Variants in GUCY1A2 observed in about 807,000 individuals in gnomAD.
GUCY1A2 encodes guanylate cyclase 1 soluble subunit alpha 2.
A neutral mutation model predicts 63.5 loss-of-function variants in GUCY1A2; 27 were observed. The ratio of observed to expected loss-of-function variants is 0.43; its 90% CI spans 0.31 to 0.59. The LOEUF (loss-of-function observed/expected upper bound fraction) is 0.59, where lower values mean the gene tolerates loss of function less well. Ranked by LOEUF, GUCY1A2 falls within the 20% of genes least tolerant of loss-of-function variation. GUCY1A2 has a pLI of 0.11. For missense variants in GUCY1A2, 768 were observed against 913.3 expected (o/e 0.84, Z 2.05); for synonymous variants, 364 against 343.5 (o/e 1.06, Z -0.66).
At position 106,917,347 on chromosome 11, in the gene GUCY1A2, A is replaced by G. The variant is rs976140874; in HGVS notation, c.1206+22113T>C. Among the ~76,000 whole-genome samples the G allele has an allele frequency of 3.4e-5, 5 of 145,790 alleles. 2 individuals are homozygous for G. Among genetic ancestry groups the G allele is most frequent in the Non-Finnish European group, 7.7e-5 (5 of 64,892 alleles). On this transcript the variant is annotated intron_variant, in intron 4 of 7. Coordinates refer to ENST00000526355, the MANE Select transcript of GUCY1A2 (RefSeq NM_000855.3). ...TTGGGGCAGCTGGATGAGACTGCTT[A>G]TGGTACAGAGTGACAAGACAAGGGG...
At chr11:106,912,279 T>C (rs148753597) in intron 4 of GUCY1A2, among the ~76,000 whole-genome samples, 1 of 152,140 alleles carries the variant, frequency 6.6e-6, no homozygotes, top group African/African-American at 2.4e-5. Flanking sequence ...ACAATACACA[T>C]TACAACTTAG....
chr11:106,998,159 G>A (rs973806341), intron 1 of GUCY1A2, among the ~76,000 whole-genome samples: 6 of 152,082 alleles, frequency 3.9e-5, no homozygotes, highest in East Asian at 1.9e-4. Flanking sequence ...GGACATTTTC[G>A]AAGACCTCCA....
rs2135325602 is a variant in GUCY1A2, at chr11:106,679,011, G to T, written c.*8538C>A. 1 of 189,208 alleles carries T rather than the reference G, an allele frequency of 5.3e-6. No homozygotes were observed. Among genetic ancestry groups the T allele is most frequent in the South Asian group, 1.9e-4 (1 of 5,174 alleles). The allele number at this position is 189,208 out of a possible 1,614,324, so 11.7% of individuals were successfully genotyped here. A position where few individuals can be genotyped will look rare whatever the true frequency, so the allele number is the denominator to read the frequency against. On this transcript the variant is annotated 3_prime_UTR_variant, in exon 8 of 8. Transcript: ENST00000526355. ...AACAACATTAATTGAATCTCTCATT[G>T]CTGAAGAAGTTGACACATTCAGAAA...
chr11:106,902,798 T>C (rs1860152308), intron 4 of GUCY1A2, among the ~76,000 whole-genome samples: 1 of 152,188 alleles, frequency 6.6e-6, no homozygotes, highest in South Asian at 2.1e-4. Flanking sequence ...CCGTAGCATT[T>C]AGATTATATT....
At chr11:106,927,839 TG>T (rs1860548817) in intron 4 of GUCY1A2, among the ~76,000 whole-genome samples, 1 of 151,602 alleles carries the variant, frequency 6.6e-6, no homozygotes, top group South Asian at 2.1e-4. Flanking sequence ...CCCAAAGTGC[TG>T]GGATTACAGG....
chr11:106,777,253 A>C (rs541203244), intron 5 of GUCY1A2, among the ~76,000 whole-genome samples: 1 of 152,108 alleles, frequency 6.6e-6, no homozygotes, highest in South Asian at 2.1e-4. Context: ...TATCGAGACC[A>C]TCCTCCAACA....
chr11:106,708,556 C>G lies in GUCY1A2; in HGVS notation c.1947G>C (p.Ser649=), dbSNP rs141579529. ...CATTGATGCGCCGAGGGTGACTTCC[C>G]GACTCGAATTTGCTTGCCAGTGTGA... ...NNVTLASKFE[S]GSHPRRINVS... The change falls in exon 7 of 8, where the codon TCG becomes TCC. Residue 649 remains serine, a synonymous_variant. Transcript: ENST00000526355. 1 of 1,612,560 alleles carries G rather than the reference C, an allele frequency of 6.2e-7. No homozygotes were observed. Among genetic ancestry groups the G allele is most frequent in the Non-Finnish European group, 8.5e-7 (1 of 1,179,166 alleles).
chr11:106,716,768 CAAAAAAAA>C (rs56999589), intron 6 of GUCY1A2, among the ~76,000 whole-genome samples: 2 of 55,300 alleles, frequency 3.6e-5, no homozygotes, highest in African/African-American at 1.4e-4. Context: ...GACTCCGTCT[CAAAAAAAA>C]AAAAAAAAAA....
At chr11:106,876,982 G>A (rs941958922) in intron 4 of GUCY1A2, among the ~76,000 whole-genome samples, 1 of 151,938 alleles carries the variant, frequency 6.6e-6, no homozygotes, top group African/African-American at 2.4e-5. Context: ...TATTCTGCTG[G>A]GCCCAGTAAA....
intron 4 of GUCY1A2, among the ~76,000 whole-genome samples, chr11:106,872,578 G>A (rs1044441666): frequency 2.6e-5 from 4 of 152,098 alleles, no homozygotes; most frequent in Non-Finnish European, 5.9e-5. Context: ...TTAATTTAAG[G>A]AGTTGAGAAT....
chr11:106,821,833 T>G (rs1555036447), intron 4 of GUCY1A2, among the ~76,000 whole-genome samples: 1 of 152,282 alleles, frequency 6.6e-6, no homozygotes, highest in East Asian at 1.9e-4. Flanking sequence ...TGTGTATTAT[T>G]TTATGTTATC....
intron 4 of GUCY1A2, among the ~76,000 whole-genome samples, chr11:106,876,512 G>A (rs1369924524): frequency 2.0e-5 from 3 of 151,966 alleles, no homozygotes; most frequent in Non-Finnish European, 2.9e-5. Flanking sequence ...GTACATTTAC[G>A]ATTCTCCCTG....
rs181719004 is a variant in GUCY1A2 at position 107,004,586 on chromosome 11, G to A, written c.303+13167C>T. Among the ~76,000 whole-genome samples the A allele has an allele frequency of 9.2e-5, 14 of 152,230 alleles. No individual in the cohort carries two copies. In the East Asian group the frequency reaches 1.4e-3, roughly 15 times the overall value. On this transcript the variant is annotated intron_variant, in intron 1 of 7. Coordinates refer to ENST00000526355, the MANE Select transcript of GUCY1A2 (RefSeq NM_000855.3). ...TGCTGCAAAGCCCACAGAGAGCAAC[G>A]CTGACAAGGTTCCTCCTTTGTGTAA...
chr11:106,985,972 G>C lies in GUCY1A2; in HGVS notation c.365+98C>G. On this transcript the variant is annotated intron_variant, in intron 2 of 7. Transcript: ENST00000526355. ...GAAAACATAGCCACTATAAAATCAG[G>C]TTGACCTGGGTAGCAGAAAATCACA... is the stretch of plus-strand genomic sequence containing the variant. The C allele has an allele frequency of 5.4e-6, 4 of 745,062 alleles. No individual in the cohort carries two copies. The Admixed American group carries it at 5.6e-5, about 10-fold the overall frequency. 46.2% of individuals were successfully genotyped at this position (745,062 alleles called of 1,614,324 possible).
At chr11:106,952,996 C>G (rs966736875) in intron 3 of GUCY1A2, among the ~76,000 whole-genome samples, 1 of 152,156 alleles carries the variant, frequency 6.6e-6, no homozygotes, top group Non-Finnish European at 1.5e-5. Context: ...TTGACTTCCT[C>G]TCTTCTTGTT....
At chr11:106,763,323 A>AG in intron 6 of GUCY1A2, among the ~76,000 whole-genome samples, 1 of 152,054 alleles carries the variant, frequency 6.6e-6, no homozygotes, top group South Asian at 2.1e-4. Context: ...ATGGAGACTG[A>AG]GGGGTCCCGA....
chr11:106,882,504 C>T (rs1463590996), intron 4 of GUCY1A2, among the ~76,000 whole-genome samples: 1 of 151,884 alleles, frequency 6.6e-6, no homozygotes, highest in Admixed American at 6.6e-5. Context: ...AAAGTTTGAA[C>T]AATCATGAAC....
At chr11:106,883,516 G>GCTA (rs1859855844) in intron 4 of GUCY1A2, among the ~76,000 whole-genome samples, 1 of 152,090 alleles carries the variant, frequency 6.6e-6, no homozygotes, top group Non-Finnish European at 1.5e-5. Context: ...GTAATGTGTA[G>GCTA]GAAGAAGAGC....
At chr11:106,979,737 A>G (rs1308917566) in intron 2 of GUCY1A2, among the ~76,000 whole-genome samples, 1 of 152,184 alleles carries the variant, frequency 6.6e-6, no homozygotes, top group Non-Finnish European at 1.5e-5. Context: ...ATTAAAGGCC[A>G]AATCCTCCCA....
Sources: allele counts gnomAD v4.1 joint callset (sites outside exome capture counted in the v4.1 genomes callset), GRCh38; gene constraint gnomAD v4.1.1; transcripts MANE v1.5; gene names NCBI Gene and HGNC (gene_info 2026-07-23, HGNC 2026-07-21).